NRCAM: variants seen among roughly 807,000 people sequenced by gnomAD.
NRCAM encodes neuronal cell adhesion molecule, also known as NgCAM-related cell adhesion molecule.
Under a neutral mutation model 156.5 loss-of-function variants are expected in NRCAM, and 83 were observed. The observed-to-expected ratio is 0.53, with a 90% CI of 0.44 to 0.64. The LOEUF (loss-of-function observed/expected upper bound fraction) is 0.64. Ranked by LOEUF, NRCAM falls within the 30% of genes least tolerant of loss-of-function variation. NRCAM has a pLI of 0.00. For synonymous variants in NRCAM, 538 were observed against 563.9 expected, an observed-to-expected ratio of 0.95 and a Z score of 0.65; for missense variants, 1,417 against 1,597.3, an observed-to-expected ratio of 0.89 and a Z score of 1.92.
intron 1 of NRCAM, among the ~76,000 whole-genome samples, chr7:108,431,154 T>C (rs537054124): frequency 6.6e-6 from 1 of 152,318 alleles, no homozygotes; most frequent in South Asian, 2.1e-4. Context: ...GGCAGCATTG[T>C]TTATGTCAGC....
At chr7:108,197,115 G>C (rs945567034) in intron 14 of NRCAM, among the ~76,000 whole-genome samples, 3 of 152,132 alleles carry the variant, frequency 2.0e-5, no homozygotes, top group Non-Finnish European at 2.9e-5. Context: ...GCCAGATACA[G>C]AAAGACAAAC....
chr7:108,240,172 T>A lies in NRCAM; in HGVS notation c.-106-2A>T, dbSNP rs2095430911. 1 of 680,412 alleles carries A rather than the reference T, an allele frequency of 1.5e-6. No individual in the cohort carries two copies. Among genetic ancestry groups the A allele is most frequent in the Non-Finnish European group, 2.6e-6 (1 of 386,316 alleles). 42.1% of individuals were successfully genotyped at this position (680,412 alleles called of 1,614,324 possible). On this transcript the variant is annotated splice_acceptor_variant, in intron 3 of 32. Coordinates refer to ENST00000379028, the MANE Select transcript of NRCAM (RefSeq NM_001037132.4). LOFTEE classifies it low-confidence loss of function (5UTR_SPLICE). ...TTTAAGTAATTTTCATGCGGGAAAC[T>A]GAAAAAGGATAGAGTAGGAATAATA...
At chr7:108,283,422 G>A (rs958722820) in intron 3 of NRCAM, among the ~76,000 whole-genome samples, 1 of 152,222 alleles carries the variant, frequency 6.6e-6, no homozygotes, top group Non-Finnish European at 1.5e-5. Context: ...AGAGATGAAT[G>A]CCAGATTAGT....
At chr7:108,375,028 C>G (rs1344151088) in intron 2 of NRCAM, among the ~76,000 whole-genome samples, 3 of 152,042 alleles carry the variant, frequency 2.0e-5, no homozygotes, top group Non-Finnish European at 4.4e-5. Context: ...TTATTGAGAA[C>G]ACAAAGTATC....
At chr7:108,152,591 T>C (rs921341877) in intron 32 of NRCAM, among the ~76,000 whole-genome samples, 1 of 152,128 alleles carries the variant, frequency 6.6e-6, no homozygotes, top group Non-Finnish European at 1.5e-5. Flanking sequence ...AAAGCACTAC[T>C]CTGCCATCAG....
At chr7:108,324,445 T>C (rs1331917583) in intron 2 of NRCAM, among the ~76,000 whole-genome samples, 1 of 152,198 alleles carries the variant, frequency 6.6e-6, no homozygotes, top group African/African-American at 2.4e-5. Context: ...CAGATAAGCA[T>C]TTGAACCCTG....
At chr7:108,165,938 T>C (rs1022294083) in intron 30 of NRCAM, among the ~76,000 whole-genome samples, 1 of 152,236 alleles carries the variant, frequency 6.6e-6, no homozygotes, top group Admixed American at 6.5e-5. Context: ...CAAACAACTC[T>C]TGTTGAAATG....
intron 11 of NRCAM, among the ~76,000 whole-genome samples, chr7:108,211,416 A>G (rs2084296230): frequency 6.6e-6 from 1 of 152,210 alleles, no homozygotes; most frequent in Non-Finnish European, 1.5e-5. Context: ...TGAATCCAGC[A>G]TGCAGACTCC....
intron 2 of NRCAM, among the ~76,000 whole-genome samples, chr7:108,365,346 CTCA>C (rs1168023511): frequency 2.0e-5 from 3 of 151,986 alleles, no homozygotes; most frequent in African/African-American, 7.2e-5. Flanking sequence ...TCTTGTATTT[CTCA>C]TCAAAGTGTC....
intron 24 of NRCAM, 57 bp from the exon 25 acceptor site, chr7:108,180,484 T>A: frequency 3.6e-6 from 5 of 1,395,104 alleles, no homozygotes; most frequent in Non-Finnish European, 1.0e-6. Flanking sequence ...AGATTCCTTA[T>A]GCTCACAAAA....
chr7:108,149,855 A>G lies in NRCAM; in HGVS notation c.*55T>C, dbSNP rs2040237009. 2.8e-6 allele frequency: 4 copies of G among 1,427,078 alleles called. No individual in the cohort carries two copies. The Admixed American group carries it at 7.8e-5, about 28-fold the overall frequency. 88.4% of individuals were successfully genotyped at this position (1,427,078 alleles called of 1,614,324 possible). On this transcript the variant is annotated 3_prime_UTR_variant, in exon 33 of 33. Transcript: ENST00000379028. ...TCATAGTATGAGAGGGCTGACAAACAAGTGCTTAGGATAAACATTCTAGAG... is the reference window on the plus strand; with the variant it reads ...TCATAGTATGAGAGGGCTGACAAACGAGTGCTTAGGATAAACATTCTAGAG...
intron 1 of NRCAM, among the ~76,000 whole-genome samples, chr7:108,454,018 T>G (rs1007617234): frequency 6.6e-6 from 1 of 152,108 alleles, no homozygotes; most frequent in Non-Finnish European, 1.5e-5. Flanking sequence ...AAAAAAAGTT[T>G]TATGAAACTT....
intron 3 of NRCAM, among the ~76,000 whole-genome samples, chr7:108,304,480 C>T (rs1008819130): frequency 6.6e-6 from 1 of 151,808 alleles, no homozygotes; most frequent in Non-Finnish European, 1.5e-5. Context: ...AGAGCAAGAG[C>T]TGTATCTGGC....
At chr7:108,292,339 C>T (rs778511934) in intron 3 of NRCAM, among the ~76,000 whole-genome samples, 12 of 152,146 alleles carry the variant, frequency 7.9e-5, no homozygotes, top group Non-Finnish European at 1.3e-4. Context: ...TTATGTAGCA[C>T]ATTTCTTTAC....
At chr7:108,379,723 A>G (rs1382973712) in intron 2 of NRCAM, among the ~76,000 whole-genome samples, 1 of 152,198 alleles carries the variant, frequency 6.6e-6, no homozygotes, top group East Asian at 1.9e-4. Flanking sequence ...TAAAAAATGA[A>G]ATCATTTTAC....
At chr7:108,426,087 C>A (rs1464797218) in intron 1 of NRCAM, among the ~76,000 whole-genome samples, 1 of 152,216 alleles carries the variant, frequency 6.6e-6, no homozygotes, top group Admixed American at 6.5e-5. Context: ...GTGAATGACT[C>A]CAGGCATGCC....
At chr7:108,372,324 C>T (rs556079014) in intron 2 of NRCAM, among the ~76,000 whole-genome samples, 7 of 151,644 alleles carry the variant, frequency 4.6e-5, no homozygotes, top group Admixed American at 4.6e-4. Context: ...AAAGCACCAG[C>T]AACCAAAATG....
At chr7:108,274,145 T>C (rs564451794) in intron 3 of NRCAM, among the ~76,000 whole-genome samples, 58 of 152,320 alleles carry the variant, frequency 3.8e-4, no homozygotes, top group African/African-American at 1.3e-3. Context: ...TACTGTAGCC[T>C]TGTAGTGTAG....
chr7:108,324,542 T>G (rs1348090772), intron 2 of NRCAM, among the ~76,000 whole-genome samples: 1 of 152,088 alleles, frequency 6.6e-6, no homozygotes, highest in Admixed American at 6.5e-5. Context: ...CTTGACAGGA[T>G]TCTATTGAAG....
Sources: allele counts gnomAD v4.1 joint callset (sites outside exome capture counted in the v4.1 genomes callset), GRCh38; gene constraint gnomAD v4.1.1; transcripts MANE v1.5; gene names NCBI Gene and HGNC (gene_info 2026-07-23, HGNC 2026-07-21).